Variants in ZNF708 observed in about 807,000 individuals in gnomAD.
ZNF708 encodes ZNF15, ZNF15L1.
A neutral mutation model predicts 47.0 loss-of-function variants in ZNF708; 44 were observed. The ratio of observed to expected loss-of-function variants is 0.94; its 90% CI spans 0.74 to 1.20. The LOEUF is 1.20. Among genes scored for constraint, ZNF708 ranks in the 50% most tolerant of loss-of-function variants. The pLI, the probability that ZNF708 is intolerant of heterozygous loss-of-function variation, is 0.00. For synonymous variants in ZNF708, 184 were observed against 218.5 expected, an observed-to-expected ratio of 0.84 and a Z score of 1.39; for missense variants, 557 against 656.0, an observed-to-expected ratio of 0.85 and a Z score of 1.65.
chr19:21,313,778 G>A (rs1374919868), intron 1 of ZNF708, among the ~76,000 whole-genome samples: 4 of 146,764 alleles, frequency 2.7e-5, no homozygotes, highest in East Asian at 2.0e-4. Context: ...AAAAAAAAGT[G>A]TGTAGAATAA....
chr19:21,322,715 A>G (rs1029154491), intron 1 of ZNF708, among the ~76,000 whole-genome samples: 1 of 152,206 alleles, frequency 6.6e-6, no homozygotes, highest in Non-Finnish European at 1.5e-5. Flanking sequence ...TCCCATTCCC[A>G]GACATCCAGA....
At chr19:21,323,852 A>C (rs1973201628) in intron 1 of ZNF708, among the ~76,000 whole-genome samples, 1 of 152,170 alleles carries the variant, frequency 6.6e-6, no homozygotes, top group South Asian at 2.1e-4. Flanking sequence ...GCCTTTAATA[A>C]AATTTTTTTG....
chr19:21,293,315 T>A lies in ZNF708; in HGVS notation c.1651A>T (p.Lys551Ter), dbSNP rs766584371. Residue 551 changes from lysine (K) to a stop codon, truncating the protein, a stop_gained, in exon 4 of 4, where the codon AAG (lysine) becomes TAG (stop). Coordinates refer to ENST00000356929, the MANE Select transcript of ZNF708 (RefSeq NM_021269.3). LOFTEE classifies it high-confidence loss of function. ...FNQSPNLTKH[K>*]RIHTKEKPYK... ...GGTTTCTCTTTGGTATGAATTCTCTTATGTTTAGTAAGGTTTGGGGACTGG... is the reference window on the plus strand; with the variant it reads ...GGTTTCTCTTTGGTATGAATTCTCTAATGTTTAGTAAGGTTTGGGGACTGG... The A allele has an allele frequency of 6.2e-7, 1 of 1,612,394 alleles. No individual in the cohort carries two copies.
intron 1 of ZNF708, among the ~76,000 whole-genome samples, chr19:21,319,693 A>G (rs1973088836): frequency 6.6e-6 from 1 of 152,170 alleles, no homozygotes; most frequent in Admixed American, 6.5e-5. Flanking sequence ...TGTGGCTAAC[A>G]AGCATATTTT....
At chr19:21,297,278 T>TATATACA (rs1972556294) in intron 3 of ZNF708, among the ~76,000 whole-genome samples, 1 of 32,938 alleles carries the variant, frequency 3.0e-5, no homozygotes, top group African/African-American at 1.4e-4. Flanking sequence ...ATATTTTTTT[T>TATATACA]TTTTTTTTTT....
chr19:21,299,772 C>CA (rs11311903), intron 3 of ZNF708, among the ~76,000 whole-genome samples: 2,385 of 110,112 alleles, frequency 0.022, 63 homozygotes, highest in African/African-American at 0.073. Flanking sequence ...GACTCCATCT[C>CA]AAAAAAAAAA....
intron 1 of ZNF708, among the ~76,000 whole-genome samples, chr19:21,320,091 G>A (rs1373245270): frequency 3.9e-5 from 6 of 152,060 alleles, no homozygotes; most frequent in African/African-American, 2.4e-5. Context: ...CAGGAGAATC[G>A]CTTGAACCTG....
At chr19:21,305,512 G>A (rs1972744601) in intron 3 of ZNF708, among the ~76,000 whole-genome samples, 1 of 151,214 alleles carries the variant, frequency 6.6e-6, no homozygotes, top group Non-Finnish European at 1.5e-5. Context: ...TGCAGTGGCT[G>A]TAGTGGCCTG....
At chr19:21,303,799 T>TA in intron 3 of ZNF708, among the ~76,000 whole-genome samples, 1 of 151,942 alleles carries the variant, frequency 6.6e-6, no homozygotes, top group East Asian at 1.9e-4. Flanking sequence ...AGTCAAGTAC[T>TA]AGCATGAGAA....
At position 21,293,024 on chromosome 19, in the gene ZNF708, C is replaced by A; in HGVS notation, c.*250G>T. On this transcript the variant is annotated 3_prime_UTR_variant, in exon 4 of 4. Coordinates refer to ENST00000356929, the MANE Select transcript of ZNF708 (RefSeq NM_021269.3). ...GGTGTTGTCAGAATTACTGTGATGT[C>A]TTCCAGCTTTGTAGTTTCTCTCCAG... The A allele has an allele frequency of 2.3e-6, 1 of 442,530 alleles. No individual in the cohort carries two copies. The highest frequency in any genetic ancestry group is 4.0e-6 in the Non-Finnish European group (1 of 247,510). 27.4% of individuals were successfully genotyped at this position (442,530 alleles called of 1,614,324 possible).
At chr19:21,297,268 ATATTTTTTTT>A (rs1363559195) in intron 3 of ZNF708, among the ~76,000 whole-genome samples, 1 of 15,344 alleles carries the variant, frequency 6.5e-5, no homozygotes, top group Non-Finnish European at 1.4e-4. Context: ...ATATATATAT[ATATTTTTTTT>A]TTTTTTTTTT....
chr19:21,326,352 GTA>G (rs780803786), intron 1 of ZNF708, among the ~76,000 whole-genome samples: 1 of 152,060 alleles, frequency 6.6e-6, no homozygotes, highest in African/African-American at 2.4e-5. Context: ...AGAAACTGTG[GTA>G]TATATATACA....
chr19:21,308,482 T>C (rs929811297), intron 3 of ZNF708, among the ~76,000 whole-genome samples: 2 of 152,164 alleles, frequency 1.3e-5, no homozygotes, highest in Non-Finnish European at 2.9e-5. Context: ...TTTCACCATG[T>C]TGTTCAGGCT....
intron 1 of ZNF708, among the ~76,000 whole-genome samples, chr19:21,322,609 C>T (rs1385225953): frequency 2.0e-5 from 3 of 152,078 alleles, no homozygotes; most frequent in Admixed American, 1.3e-4. Flanking sequence ...GGCCAGAGCT[C>T]CTATTCTCTA....
chr19:21,325,799 A>G (rs1328995748), intron 1 of ZNF708, among the ~76,000 whole-genome samples: 1 of 152,202 alleles, frequency 6.6e-6, no homozygotes. Flanking sequence ...GTGAGAAAAA[A>G]TCTTCACAAT....
In ZNF708 at chr19:21,302,186, C is replaced by G. The variant is rs1370466384; in HGVS notation, c.226+7060G>C. Among the ~76,000 whole-genome samples the G allele has an allele frequency of 2.6e-5, 4 of 151,910 alleles. No individual in the cohort carries two copies. In the East Asian group the frequency reaches 7.7e-4, roughly 29 times the overall value. On this transcript the variant is annotated intron_variant, in intron 3 of 3. Transcript: ENST00000356929. Reference sequence around the variant, plus strand: ...ATAAAACCATATATAAAATAAAGCTCTCTATTAAATGTAAATATACAGACA... The same window carrying G: ...ATAAAACCATATATAAAATAAAGCTGTCTATTAAATGTAAATATACAGACA...
intron 1 of ZNF708, among the ~76,000 whole-genome samples, chr19:21,326,345 A>G (rs965752472): frequency 6.6e-6 from 1 of 152,218 alleles, no homozygotes; most frequent in African/African-American, 2.4e-5. Flanking sequence ...TGGATAAAGA[A>G]ACTGTGGTAT....
At chr19:21,311,350 CAG>C (rs1378476493) in intron 1 of ZNF708, among the ~76,000 whole-genome samples, 4 of 149,876 alleles carry the variant, frequency 2.7e-5, no homozygotes, top group Non-Finnish European at 4.4e-5. Context: ...AAAAATCTTT[CAG>C]AGAGCTCTTT....
intron 3 of ZNF708, 80 bp downstream of exon 3, chr19:21,309,166 A>C: frequency 1.5e-6 from 2 of 1,323,870 alleles, no homozygotes; most frequent in Non-Finnish European, 2.0e-6. Flanking sequence ...CAGATTTCCA[A>C]GTCAAATTTT....
Sources: gnomAD v4.1 joint callset for allele counts (sites outside exome capture counted in the v4.1 genomes callset) on GRCh38, gnomAD v4.1.1 for gene constraint, MANE v1.5 for transcripts, NCBI Gene and HGNC (gene_info 2026-07-23, HGNC 2026-07-21) for gene names.